ROR1: variants seen among roughly 807,000 people sequenced by gnomAD.
ROR1 encodes the protein inactive tyrosine-protein kinase transmembrane receptor ROR1.
A neutral mutation model predicts 78.8 loss-of-function variants in ROR1; 19 were observed. The ratio of observed to expected loss-of-function variants is 0.24; its 90% CI spans 0.17 to 0.35. The LOEUF (loss-of-function observed/expected upper bound fraction) is 0.35. Ranked by LOEUF, ROR1 falls within the 10% of genes least tolerant of loss-of-function variation. ROR1 has a pLI of 1.00. For synonymous variants in ROR1, 386 were observed against 433.6 expected (o/e 0.89, Z 1.36); for missense variants, 917 against 1,177.8 (o/e 0.78, Z 3.24).
At chr1:64,163,160 G>C (rs1026736975) in intron 8 of ROR1, among the ~76,000 whole-genome samples, 1 of 151,718 alleles carries the variant, frequency 6.6e-6, no homozygotes, top group African/African-American at 2.4e-5. Flanking sequence ...AAGCTGGACA[G>C]ATCGCTTGAG....
chr1:63,860,106 G>A (rs879469914), intron 1 of ROR1, among the ~76,000 whole-genome samples: 1 of 152,124 alleles, frequency 6.6e-6, no homozygotes, highest in African/African-American at 2.4e-5. Context: ...TATCTGTCCA[G>A]ACATGTTACG....
At chr1:63,853,508 G>T (rs574283830) in intron 1 of ROR1, among the ~76,000 whole-genome samples, 1 of 152,278 alleles carries the variant, frequency 6.6e-6, no homozygotes, top group African/African-American at 2.4e-5. Context: ...TGCTCAGCTG[G>T]TATAAACGCA....
rs928677318 is a variant in ROR1 at position 64,142,641 on chromosome 1, C to T, written c.1165C>T (p.Pro389Ser). Residue 389 changes from proline to serine, a missense_variant, in exon 7 of 9, where the codon CCA becomes TCA. This residue lies in a region of ROR1 where 835 missense variants were observed against 1,069.8 expected (regional missense o/e 0.78). Coordinates refer to ENST00000371079, the MANE Select transcript of ROR1 (RefSeq NM_005012.4). Reference sequence around the variant, plus strand: ...CTTTAAGTCTGATCTGTGTGACATCCCAGCGTGCGGTAAATAGAAGTCATT... The same window carrying T: ...CTTTAAGTCTGATCTGTGTGACATCTCAGCGTGCGGTAAATAGAAGTCATT... ...ENFKSDLCDIPACDSKDSKEK... is the reference protein window; with the variant it reads ...ENFKSDLCDISACDSKDSKEK... 15 of 1,613,948 alleles carry T rather than the reference C, an allele frequency of 9.3e-6. No individual in the cohort carries two copies. Among genetic ancestry groups the T allele is most frequent in the Non-Finnish European group, 1.3e-5 (15 of 1,179,990 alleles).
chr1:63,969,007 A>T (rs1214605112), intron 1 of ROR1, among the ~76,000 whole-genome samples: 3 of 152,192 alleles, frequency 2.0e-5, no homozygotes, highest in Admixed American at 6.5e-5. Context: ...CCTCAGTATC[A>T]CTTTACTCCA....
intron 1 of ROR1, chr1:63,789,260 G>T: frequency 1.8e-6 from 1 of 568,152 alleles, no homozygotes; most frequent in South Asian, 1.5e-5. Flanking sequence ...TGCCACAGGG[G>T]AGGACCCTAG....
intron 1 of ROR1, among the ~76,000 whole-genome samples, chr1:63,895,261 G>A (rs1022180976): frequency 1.3e-5 from 2 of 152,078 alleles, no homozygotes; most frequent in Non-Finnish European, 2.9e-5. Context: ...TTTGAACACA[G>A]GACTATTACT....
chr1:64,048,988 T>C (rs1401496359), intron 2 of ROR1, among the ~76,000 whole-genome samples: 3 of 152,242 alleles, frequency 2.0e-5, no homozygotes, highest in African/African-American at 7.2e-5. Context: ...CATTTGCCTG[T>C]ACTCATAGAA....
At chr1:64,175,408 C>T (rs190150097) in intron 8 of ROR1, among the ~76,000 whole-genome samples, 1 of 152,154 alleles carries the variant, frequency 6.6e-6, no homozygotes, top group Non-Finnish European at 1.5e-5. Context: ...TTACTAGCTC[C>T]ACTGTAATTG....
chr1:64,154,301 A>G lies in ROR1; in HGVS notation c.1175-4680A>G, dbSNP rs545896133. On this transcript the variant is annotated intron_variant, in intron 7 of 8. Coordinates refer to ENST00000371079, the MANE Select transcript of ROR1 (RefSeq NM_005012.4). ...GCCTAAATCACTGGTGCAGGCCCCT[A>G]TGTGCTACCAACCTGCTTATTTTAT... 5.3e-5 allele frequency among the ~76,000 whole-genome samples: 8 copies of G among 152,340 alleles called. No homozygotes were observed. The East Asian group carries it at 5.8e-4, about 11-fold the overall frequency.
rs561961628 is a variant in ROR1 at position 63,976,196 on chromosome 1, G to T, written c.92-33109G>T. Among the ~76,000 whole-genome samples, 9 of 152,232 alleles carry T rather than the reference G, an allele frequency of 5.9e-5. No homozygotes were observed. The South Asian group carries it at 1.9e-3, about 32-fold the overall frequency. ...ATGTCATGGAGTGTGAGTTCTGGTT[G>T]GGTGATCTTGTCTAATTCTCTTACA... On this transcript the variant is annotated intron_variant, in intron 1 of 8. Coordinates refer to ENST00000371079, the MANE Select transcript of ROR1 (RefSeq NM_005012.4).
In ROR1 at chr1:63,802,505, G is replaced by A. The variant is rs1282278791; in HGVS notation, c.91+27997G>A. Among the ~76,000 whole-genome samples the A allele has an allele frequency of 3.9e-5, 6 of 152,300 alleles. No homozygotes were observed. The East Asian group carries it at 1.2e-3, about 29-fold the overall frequency. On this transcript the variant is annotated intron_variant, in intron 1 of 8. Coordinates refer to ENST00000371079, the MANE Select transcript of ROR1 (RefSeq NM_005012.4). ...AAGCAAGGCAAGAATTTAGAGGTGG[G>A]AAAATGGAGGTTCATAGAAGTTGAA...
At chr1:63,919,202 A>G (rs552131859) in intron 1 of ROR1, among the ~76,000 whole-genome samples, 3 of 152,310 alleles carry the variant, frequency 2.0e-5, no homozygotes, top group African/African-American at 7.2e-5. Context: ...GAAGGAGTGC[A>G]TTATATTGAC....
At chr1:64,036,877 C>T (rs1352590446) in intron 2 of ROR1, among the ~76,000 whole-genome samples, 1 of 152,174 alleles carries the variant, frequency 6.6e-6, no homozygotes, top group East Asian at 1.9e-4. Flanking sequence ...GGTCTAGGGT[C>T]ATCTTAAAGA....
At chr1:64,137,931 T>C (rs1283240495) in intron 5 of ROR1, among the ~76,000 whole-genome samples, 1 of 152,134 alleles carries the variant, frequency 6.6e-6, no homozygotes, top group Non-Finnish European at 1.5e-5. Flanking sequence ...ACAGTGAACT[T>C]TGGGGAAATC....
chr1:63,789,620 T>C (rs1443650823), intron 1 of ROR1, among the ~76,000 whole-genome samples: 2 of 151,256 alleles, frequency 1.3e-5, no homozygotes, highest in Admixed American at 6.6e-5. Context: ...CAACAGTGGA[T>C]TGTGGTTTTG....
chr1:63,872,703 A>AT (rs1645259865), intron 1 of ROR1, among the ~76,000 whole-genome samples: 1 of 152,170 alleles, frequency 6.6e-6, no homozygotes, highest in Admixed American at 6.5e-5. Context: ...AAGTGGGGAA[A>AT]TATTTAGGAA....
chr1:63,855,269 G>A (rs2100336418), intron 1 of ROR1, among the ~76,000 whole-genome samples: 1 of 152,200 alleles, frequency 6.6e-6, no homozygotes, highest in African/African-American at 2.4e-5. Flanking sequence ...CATGACATTT[G>A]TTTCTGTTCT....
At chr1:64,130,769 C>T (rs1648885761) in intron 4 of ROR1, among the ~76,000 whole-genome samples, 1 of 152,196 alleles carries the variant, frequency 6.6e-6, no homozygotes, top group South Asian at 2.1e-4. Context: ...TGGAATAATT[C>T]TGCATCTTTT....
intron 1 of ROR1, among the ~76,000 whole-genome samples, chr1:63,887,853 A>C (rs1027008169): frequency 1.3e-5 from 2 of 152,218 alleles, no homozygotes; most frequent in Non-Finnish European, 2.9e-5. Flanking sequence ...TAATAGCTGC[A>C]TACTGTTATT....
Sources: gnomAD v4.1 joint callset for allele counts (sites outside exome capture counted in the v4.1 genomes callset) on GRCh38, gnomAD v4.1.1 for gene constraint, gnomAD v4.1.1 regional missense constraint, MANE v1.5 for transcripts, NCBI Gene and HGNC (gene_info 2026-07-23, HGNC 2026-07-21) for gene names.